ACAN: variants seen among roughly 807,000 people sequenced by gnomAD.
ACAN encodes the protein aggrecan core protein.
In ACAN, 47 loss-of-function variants were observed where a neutral mutation model predicts 169.1. The ratio of observed to expected loss-of-function variants is 0.28; its 90% confidence interval spans 0.22 to 0.35. The LOEUF is 0.35. Among genes scored for constraint, ACAN ranks in the 10% least tolerant of loss-of-function variants. The pLI, the probability that ACAN is intolerant of heterozygous loss-of-function variation, is 1.00. For synonymous variants in ACAN, 1,115 were observed against 1,112.2 expected (o/e 1.00, Z -0.05); for missense variants, 2,716 against 2,759.9 (o/e 0.98, Z 0.36).
intron 1 of ACAN, among the ~76,000 whole-genome samples, chr15:88,818,700 A>G (rs1896001484): frequency 6.6e-6 from 1 of 152,210 alleles, no homozygotes; most frequent in Non-Finnish European, 1.5e-5. Context: ...GGGGGTCTCC[A>G]ATATGGTGCC....
intron 1 of ACAN, 108 bp from the exon 2 acceptor site, chr15:88,836,092 C>A: frequency 1.4e-6 from 1 of 739,956 alleles, no homozygotes; most frequent in Non-Finnish European, 2.3e-6. Context: ...GAGATGATTC[C>A]AGGTCCTTGG....
At chr15:88,809,166 C>G (rs926916090) in intron 1 of ACAN, among the ~76,000 whole-genome samples, 1 of 152,200 alleles carries the variant, frequency 6.6e-6, no homozygotes, top group African/African-American at 2.4e-5. Context: ...TGGAAAATTA[C>G]AGCATCCACA....
At chr15:88,816,373 G>T (rs759931059) in intron 1 of ACAN, among the ~76,000 whole-genome samples, 1 of 152,134 alleles carries the variant, frequency 6.6e-6, no homozygotes, top group South Asian at 2.1e-4. Flanking sequence ...TCTCTTGGGG[G>T]AGATGGATTA....
At position 88,842,419 on chromosome 15, in the gene ACAN, G is replaced by A. The variant is rs538807994; in HGVS notation, c.757+552G>A. Among the ~76,000 whole-genome samples the A allele has an allele frequency of 5.3e-5, 8 of 152,204 alleles. No homozygotes were observed. The East Asian group carries it at 7.7e-4, about 15-fold the overall frequency. On this transcript the variant is annotated intron_variant, in intron 5 of 18. Coordinates refer to ENST00000560601, the MANE Select transcript of ACAN (RefSeq NM_001369268.1). Reference sequence around the variant, plus strand: ...CAGTTTTAGTCACAGAGTTACCCACGCACGTGGATGACACCCTTTCCCCCA... The same window carrying A: ...CAGTTTTAGTCACAGAGTTACCCACACACGTGGATGACACCCTTTCCCCCA...
Position 88,870,535 on chromosome 15 carries a change from GA to G in ACAN, c.7061-845del, listed in dbSNP as rs1897355719. Reference sequence around the variant, plus strand: ...TTAAAGCTATCAACATGATGTCACTGAAGGCGAGGTTGAGAGGAGACACTAA... The same window carrying G: ...TTAAAGCTATCAACATGATGTCACTGAGGCGAGGTTGAGAGGAGACACTAA... On this transcript the variant is annotated intron_variant, in intron 14 of 18. Transcript: ENST00000560601. This position sits in a 1 kb window ranked among gnomAD's most constrained non-coding sequence, Gnocchi z 6.3. 6.6e-6 allele frequency among the ~76,000 whole-genome samples: 1 copy of G among 152,188 alleles called. No homozygotes were observed. The highest frequency in any genetic ancestry group is 1.5e-5 in the Non-Finnish European group (1 of 68,026).
rs995540899 is a variant in ACAN, at chr15:88,874,664, C to T, written c.*183C>T. ...ACTCACCCCTCCAAATCAGCAAAAC[C>T]GCATCTAATTTGTCCGCCGAATGCC... On this transcript the variant is annotated 3_prime_UTR_variant, in exon 19 of 19. Coordinates refer to ENST00000560601, the MANE Select transcript of ACAN (RefSeq NM_001369268.1). The surrounding 1 kb of genome is among the most constrained non-coding windows in gnomAD (Gnocchi z 7.3). 19 of 696,374 alleles carry T rather than the reference C, an allele frequency of 2.7e-5. 1 individual carries two copies. The highest frequency in any genetic ancestry group is 4.7e-5 in the Non-Finnish European group (18 of 386,128). The allele number at this position is 696,374 out of a possible 1,614,324, so 43.1% of individuals were successfully genotyped here. A position where few individuals can be genotyped will look rare whatever the true frequency, so the allele number is the denominator to read the frequency against.
Position 88,840,093 on chromosome 15 carries a change from G to A in ACAN, c.536G>A (p.Ser179Asn), listed in dbSNP as rs766337526. 3.1e-6 allele frequency: 5 copies of A among 1,605,098 alleles called. No individual in the cohort carries two copies. The highest frequency in any genetic ancestry group is 3.4e-5 in the Admixed American group (2 of 58,982). Residue 179 changes from serine (S) to asparagine (N), a missense_variant, in exon 4 of 19, where the codon AGT (serine) becomes AAT (asparagine). Ser to Asn is a conservative substitution (Grantham distance 46). This residue lies in a region of ACAN where 1,283 missense variants were observed against 1,281.5 expected (regional missense o/e 1.00). Transcript: ENST00000560601. ...GCGCAGCGGGCCTGCCTGCAGAACAGTGCCATCATTGCCACGCCTGAGCAG... is the reference window on the plus strand; with the variant it reads ...GCGCAGCGGGCCTGCCTGCAGAACAATGCCATCATTGCCACGCCTGAGCAG... ...DRAQRACLQN[S>N]AIIATPEQLQ...
chr15:88,821,953 G>A (rs1313766763), intron 1 of ACAN, among the ~76,000 whole-genome samples: 1 of 152,210 alleles, frequency 6.6e-6, no homozygotes, highest in Non-Finnish European at 1.5e-5. Context: ...GAGAGACCAG[G>A]CATGAGCTTC....
intron 5 of ACAN, among the ~76,000 whole-genome samples, chr15:88,842,559 G>A (rs1896691389): frequency 6.7e-6 from 1 of 149,690 alleles, no homozygotes; most frequent in Admixed American, 6.6e-5. Flanking sequence ...CCTCCAGGCT[G>A]GGGAGAAGAG....
In ACAN at chr15:88,839,545, G is replaced by T. The variant is rs980915264; in HGVS notation, c.455-467G>T. Among the ~76,000 whole-genome samples the T allele has an allele frequency of 4.6e-5, 7 of 152,320 alleles. No homozygotes were observed. Among genetic ancestry groups the T allele is most frequent in the African/African-American group, 1.4e-4 (6 of 41,568 alleles). The stretch of plus-strand genomic sequence containing the variant: ...GGTCTTTGGTTAGCTTCAGGACTTT[G>T]GTCAACACCAGATTTTTCCCAGGGG... On this transcript the variant is annotated intron_variant, in intron 3 of 18. Transcript: ENST00000560601. The surrounding 1 kb of genome is among the most constrained non-coding windows in gnomAD (Gnocchi z 4.5).
chr15:88,811,087 A>G (rs1177504430), intron 1 of ACAN, among the ~76,000 whole-genome samples: 1 of 152,130 alleles, frequency 6.6e-6, no homozygotes, highest in Non-Finnish European at 1.5e-5. Context: ...TTGGTTCTCC[A>G]AGGTGGTTTG....
intron 12 of ACAN, among the ~76,000 whole-genome samples, chr15:88,860,072 C>G (rs868745379): frequency 9.7e-6 from 1 of 102,894 alleles, no homozygotes. Context: ...GCTGATTTTC[C>G]TTTTTTTTTT....
At chr15:88,806,570 G>T (rs951995343) in intron 1 of ACAN, among the ~76,000 whole-genome samples, 3 of 152,136 alleles carry the variant, frequency 2.0e-5, no homozygotes, top group Non-Finnish European at 2.9e-5. Flanking sequence ...GGCTGGTCTC[G>T]AACTTCTGAC....
chr15:88,836,237 C>A lies in ACAN; in HGVS notation c.31C>A (p.Leu11Met). 6.2e-7 allele frequency: 1 copy of A among 1,613,948 alleles called. No individual in the cohort carries two copies. Among genetic ancestry groups the A allele is most frequent in the East Asian group, 2.2e-5 (1 of 44,892 alleles). ...CACTTTACTCTGGGTTTTCGTGACT[C>A]TGAGGGTCATCACTGCAGCTGTCAC... Reference protein sequence around the residue: MTTLLWVFVTLRVITAAVTVE... With the variant: MTTLLWVFVTMRVITAAVTVE... Residue 11 changes from leucine to methionine, a missense_variant, in exon 2 of 19, where the codon CTG (leucine) becomes ATG (methionine). Physicochemically the swap from Leu to Met is conservative, Grantham distance 15 (BLOSUM62 2). Transcript: ENST00000560601.
At chr15:88,810,745 G>C (rs535142205) in intron 1 of ACAN, among the ~76,000 whole-genome samples, 1 of 152,166 alleles carries the variant, frequency 6.6e-6, no homozygotes, top group Non-Finnish European at 1.5e-5. Flanking sequence ...TCAAAAATAC[G>C]GGTGGCTGAA....
rs367732871 is a variant in ACAN at position 88,836,304 on chromosome 15, G to A, written c.70+28G>A. The A allele has an allele frequency of 8.7e-5, 137 of 1,581,650 alleles. No individual in the cohort carries two copies. In the African/African-American group the frequency reaches 1.2e-3, roughly 14 times the overall value. ...GAGGACATTCCTATACATGTTTCAC[G>A]TATTCAGTAGGCATGAGTAGTGGGT... On this transcript the variant is annotated intron_variant, in intron 2 of 18. Transcript: ENST00000560601.
At chr15:88,840,941 G>GT (rs756270451) in intron 4 of ACAN, among the ~76,000 whole-genome samples, 32 of 152,216 alleles carry the variant, frequency 2.1e-4, no homozygotes, top group Non-Finnish European at 4.1e-4. Flanking sequence ...TCAGGAGATC[G>GT]AGACCATCCT....
intron 5 of ACAN, 116 bp downstream of exon 5, chr15:88,841,983 ACT>A (rs1199646271): frequency 7.3e-7 from 1 of 1,371,540 alleles, no homozygotes; most frequent in Non-Finnish European, 1.0e-6. Context: ...GGCCTGACAC[ACT>A]CTGTCCTCCT....
rs201449366 is a variant in ACAN, at chr15:88,874,024, C to T, written c.7630C>T (p.Pro2544Ser). The T allele has an allele frequency of 3.9e-5, 63 of 1,609,876 alleles. No individual in the cohort carries two copies. Among genetic ancestry groups the T allele is most frequent in the Admixed American group, 1.3e-4 (8 of 60,004 alleles). ...GGAGCCTCAGATCACCTGCACAGAC[C>T]GTGAGCATCACCCCGGCCATCTCGC... ...WEEPQITCTDPTTYKRRLQKR... is the reference protein window; with the variant it reads ...WEEPQITCTDSTTYKRRLQKR... The change falls in exon 18 of 19, where the codon CCC becomes TCC. Residue 2544 changes from proline to serine, a missense_variant and splice_region_variant. Transcript: ENST00000560601. The surrounding 1 kb of genome is among the most constrained non-coding windows in gnomAD (Gnocchi z 7.3).
Sources: gnomAD v4.1 joint callset for allele counts (sites outside exome capture counted in the v4.1 genomes callset) on GRCh38, gnomAD v4.1.1 for gene constraint, gnomAD v4.1.1 regional missense constraint, Gnocchi (gnomAD v3.1) non-coding constraint, MANE v1.5 for transcripts, NCBI Gene and HGNC (gene_info 2026-07-23, HGNC 2026-07-21) for gene names.